The following CNIH3 variants were observed in gnomAD, a reference collection of about 807,000 sequenced individuals.
The protein encoded by CNIH3 is cornichon family AMPA receptor auxiliary protein 3.
In CNIH3, 14 loss-of-function variants were observed where a neutral mutation model predicts 24.1. The observed-to-expected ratio is 0.58, with a 90% confidence interval of 0.38 to 0.91. The LOEUF is 0.91. Among genes scored for constraint, CNIH3 ranks in the 40% least tolerant of loss-of-function variants. The probability of loss-of-function intolerance (pLI) is 0.00; values close to 1 mark genes in which losing one functional copy is unlikely to be tolerated. For synonymous variants in CNIH3, 68 were observed against 73.8 expected, an observed-to-expected ratio of 0.92 and a Z score of 0.40; for missense variants, 178 against 196.8, an observed-to-expected ratio of 0.90 and a Z score of 0.57.
intron 1 of CNIH3, among the ~76,000 whole-genome samples, chr1:224,626,591 C>T (rs1683537378): frequency 6.6e-6 from 1 of 152,176 alleles, no homozygotes; most frequent in Admixed American, 6.5e-5. Flanking sequence ...ACTTGAGAAT[C>T]TTGGTTAAGA....
At chr1:224,519,439 A>T (rs1465485283) in intron 1 of CNIH3, among the ~76,000 whole-genome samples, 1 of 152,122 alleles carries the variant, frequency 6.6e-6, no homozygotes, top group Non-Finnish European at 1.5e-5. Context: ...CAGCTTGCAG[A>T]CGGCAGATCA....
intron 3 of CNIH3, among the ~76,000 whole-genome samples, chr1:224,593,815 C>T (rs112937556): frequency 6.6e-6 from 1 of 152,216 alleles, no homozygotes; most frequent in Non-Finnish European, 1.5e-5. Flanking sequence ...GACATTTGCT[C>T]CCCTCTGTTG....
At chr1:224,560,055 G>T (rs1183209098) in intron 3 of CNIH3, among the ~76,000 whole-genome samples, 2 of 152,104 alleles carry the variant, frequency 1.3e-5, no homozygotes, top group Non-Finnish European at 1.5e-5. Context: ...TATCTATATT[G>T]TTGGGTGTAG....
At chr1:224,493,926 C>T (rs1033973980) in intron 1 of CNIH3, among the ~76,000 whole-genome samples, 7 of 152,240 alleles carry the variant, frequency 4.6e-5, no homozygotes, top group Middle Eastern at 6.8e-3. Context: ...CAGAACCAAT[C>T]GGGTATGTAA....
intron 1 of CNIH3, among the ~76,000 whole-genome samples, chr1:224,652,096 G>A (rs151144666): frequency 1.1e-3 from 160 of 152,138 alleles, no homozygotes; most frequent in Admixed American, 2.4e-3. Flanking sequence ...TTGACCTGTT[G>A]GATATTCTTG....
intron 2 of CNIH3, among the ~76,000 whole-genome samples, chr1:224,544,742 T>C (rs1679639022): frequency 6.6e-6 from 1 of 152,192 alleles, no homozygotes. Flanking sequence ...TCAGTTACTC[T>C]TGGCACTACT....
Position 224,674,995 on chromosome 1 carries a change from A to T in CNIH3, c.82-5963A>T, listed in dbSNP as rs534869479. Reference sequence around the variant, plus strand: ...CAGGGCCGGGCCCCAGGCAGCGTAGAGGCAATCTGGCTTTCAAGGACCTCA... The same window carrying T: ...CAGGGCCGGGCCCCAGGCAGCGTAGTGGCAATCTGGCTTTCAAGGACCTCA... On this transcript the variant is annotated intron_variant, in intron 1 of 5. Transcript: ENST00000272133. 2.0e-4 allele frequency among the ~76,000 whole-genome samples: 31 copies of T among 152,272 alleles called. No individual in the cohort carries two copies. The South Asian group carries it at 6.2e-3, about 31-fold the overall frequency.
intron 2 of CNIH3, among the ~76,000 whole-genome samples, chr1:224,536,134 G>A (rs887526128): frequency 6.6e-6 from 1 of 152,072 alleles, no homozygotes; most frequent in African/African-American, 2.4e-5. Context: ...GATGGGGCAA[G>A]GATCCATCTG....
intron 3 of CNIH3, among the ~76,000 whole-genome samples, chr1:224,688,583 A>G (rs942179655): frequency 5.3e-5 from 8 of 152,198 alleles, no homozygotes; most frequent in African/African-American, 1.2e-4. Context: ...GGCTTAGTCA[A>G]TAATCTTTCC....
chr1:224,611,636 T>C (rs1055468847), upstream of CNIH3: 4 of 152,218 alleles, frequency 2.6e-5, no homozygotes, highest in African/African-American at 9.7e-5. Flanking sequence ...GAGTTCAAAC[T>C]GTGTCATATG....
At chr1:224,591,728 G>A (rs971646915), downstream of CNIH3, among the ~76,000 whole-genome samples, 4 of 152,200 alleles carry the variant, frequency 2.6e-5, no homozygotes, top group African/African-American at 9.7e-5. Flanking sequence ...CACCTCTGGG[G>A]TACAGGGAGG....
At chr1:224,723,603 G>C (rs1688859928) in intron 3 of CNIH3, among the ~76,000 whole-genome samples, 1 of 152,238 alleles carries the variant, frequency 6.6e-6, no homozygotes, top group Admixed American at 6.5e-5. Context: ...CCCAGGCCAG[G>C]AGGAAAATTC....
chr1:224,642,219 C>G (rs1184702891), intron 1 of CNIH3, among the ~76,000 whole-genome samples: 1 of 152,124 alleles, frequency 6.6e-6, no homozygotes, highest in Non-Finnish European at 1.5e-5. Flanking sequence ...TCCCAGTGTT[C>G]TATTATGCAG....
rs191916244 is a variant in CNIH3, at chr1:224,721,167, C to A, written c.199-9295C>A. On this transcript the variant is annotated intron_variant, in intron 3 of 5. Transcript: ENST00000272133. The stretch of plus-strand genomic sequence containing the variant: ...ACCTGGTCATTTACATTGAGTCTCC[C>A]CAGCTGGATGGCTTTGCATTCACCA... 8.3e-3 allele frequency among the ~76,000 whole-genome samples: 1,263 copies of A among 152,270 alleles called. 9 individuals carry two copies. The highest frequency in any genetic ancestry group is 0.011 in the Non-Finnish European group (770 of 68,022).
chr1:224,491,476 A>G (rs996596207), intron 1 of CNIH3, among the ~76,000 whole-genome samples: 1 of 152,248 alleles, frequency 6.6e-6, no homozygotes, highest in Non-Finnish European at 1.5e-5. Context: ...TAAATAAATT[A>G]TGTTTAAAAC....
intron 1 of CNIH3, among the ~76,000 whole-genome samples, chr1:224,654,324 G>T (rs977110089): frequency 6.6e-6 from 1 of 152,162 alleles, no homozygotes; most frequent in African/African-American, 2.4e-5. Flanking sequence ...GGAGGTTGCA[G>T]TGAGCCAAGG....
intron 1 of CNIH3, among the ~76,000 whole-genome samples, chr1:224,518,242 A>G (rs1433298943): frequency 6.6e-6 from 1 of 152,246 alleles, no homozygotes; most frequent in Non-Finnish European, 1.5e-5. Context: ...CAGATGCATT[A>G]TTACTTCAAT....
At chr1:224,514,056 C>CAAGA (rs1553260630), upstream of CNIH3, 5 of 152,190 alleles carry the variant, frequency 3.3e-5, no homozygotes, top group African/African-American at 1.2e-4. Flanking sequence ...TTTATTAAAG[C>CAAGA]AACAAACAAA....
chr1:224,558,482 T>A (rs867601840), intron 3 of CNIH3, among the ~76,000 whole-genome samples: 1 of 152,056 alleles, frequency 6.6e-6, no homozygotes, highest in Non-Finnish European at 1.5e-5. Context: ...GTGCAGACAG[T>A]AAGAGGGTGC....
Sources: gnomAD v4.1 joint callset for allele counts (sites outside exome capture counted in the v4.1 genomes callset) on GRCh38, gnomAD v4.1.1 for gene constraint, MANE v1.5 for transcripts, NCBI Gene and HGNC (gene_info 2026-07-23, HGNC 2026-07-21) for gene names.